Variants in SCART1 observed in about 807,000 individuals in gnomAD.
SCART1 encodes scavenger receptor family member expressed on T cells 1.
SCART1 carries 62 observed loss-of-function variants against 36.2 expected under a neutral mutation model. That is an observed-to-expected ratio of 1.71 (90% CI 1.40 to 2.12). SCART1 has a LOEUF of 2.12. Ranked by LOEUF, SCART1 falls within the 30% of genes most tolerant of loss-of-function variation. SCART1 has a pLI of 0.00. For missense variants in SCART1, 1,041 were observed against 540.5 expected (o/e 1.93, Z -9.18); for synonymous variants, 487 against 238.7 (o/e 2.04, Z -9.59).
chr10:133,467,319 C>T (rs541246593), exon 11 of SCART1: 20 of 702,678 alleles, frequency 2.8e-5, no homozygotes, highest in South Asian at 1.0e-4. Flanking sequence ...ATGAGGAGGA[C>T]GGAAGTGTGG....
intron 5 of SCART1, 51 bp from the exon 6 acceptor site, chr10:133,459,436 C>A (rs1850665713): frequency 3.2e-6 from 2 of 620,448 alleles, no homozygotes; most frequent in Admixed American, 5.3e-5. Flanking sequence ...GGGGGGTGGT[C>A]CTGGGTCCCT....
At chr10:133,468,054 A>G in exon 12 of SCART1, 1 of 600,354 alleles carries the variant, frequency 1.7e-6, no homozygotes, top group African/African-American at 1.8e-5. Flanking sequence ...TTTCGTGAGA[A>G]CACCTTGGAT....
At chr10:133,460,521 TTAAA>T (rs1850689137) in intron 6 of SCART1, among the ~76,000 whole-genome samples, 2 of 112,920 alleles carry the variant, frequency 1.8e-5, no homozygotes, top group African/African-American at 6.9e-5. Context: ...TTATATTTAT[TTAAA>T]TATTTATTTA....
chr10:133,459,481 C>A lies in SCART1; in HGVS notation c.1286-6C>A, dbSNP rs1473447567. 9.5e-6 allele frequency: 6 copies of A among 631,532 alleles called. No individual in the cohort carries two copies. The East Asian group carries it at 1.7e-4, about 17-fold the overall frequency. 39.1% of individuals were successfully genotyped at this position (631,532 alleles called of 1,614,324 possible). ...ATCTTGGGCCCCTGTGCGTCCCCAT[C>A]CCCAGGTCTGGCCCACGCCCTGCGA... On this transcript the variant is annotated splice_region_variant and splice_polypyrimidine_tract_variant and intron_variant, in intron 5 of 11. Transcript: ENST00000640237.
exon 3 of SCART1, chr10:133,457,307 G>A: frequency 1.4e-6 from 1 of 700,658 alleles, no homozygotes; most frequent in Non-Finnish European, 2.6e-6. Context: ...TCCGGCTGGT[G>A]AAGGGCCGCA....
At chr10:133,460,116 G>C in exon 6 of SCART1, 1 of 517,254 alleles carries the variant, frequency 1.9e-6, no homozygotes. Flanking sequence ...CCCGTCGGCG[G>C]GCTGGGGGCG....
intron 6 of SCART1, among the ~76,000 whole-genome samples, chr10:133,463,504 C>CTTTTT (rs34222160): frequency 8.0e-6 from 1 of 125,760 alleles, no homozygotes; most frequent in Non-Finnish European, 1.6e-5. Context: ...ACGTATTTGA[C>CTTTTT]TTTTTTTTTT....
At chr10:133,469,374 A>G (rs1850794065), downstream of SCART1, among the ~76,000 whole-genome samples, 1 of 152,184 alleles carries the variant, frequency 6.6e-6, no homozygotes, top group Non-Finnish European at 1.5e-5. Context: ...CTGGATAAAG[A>G]AAATGTGGCA....
At chr10:133,456,843 C>T (rs1178509100) in intron 2 of SCART1, among the ~76,000 whole-genome samples, 6 of 152,212 alleles carry the variant, frequency 3.9e-5, no homozygotes, top group South Asian at 2.1e-4. Flanking sequence ...CGAGCGGGGG[C>T]GGGGTCTGTG....
At position 133,464,665 on chromosome 10, in the gene SCART1, T is replaced by A. The variant is rs193124073; in HGVS notation, c.2029T>A (p.Phe677Ile). The change falls in exon 7 of 12, where the codon TTC becomes ATC. Residue 677 changes from phenylalanine to isoleucine, a missense_variant. Phe to Ile is a conservative substitution (Grantham distance 21). Transcript: ENST00000640237. Reference sequence around the variant, plus strand: ...CTGCTGTGCTGGGTGGCTGGACGTGTTCTACAATGGGACCTGGGGCGCCAT... The same window carrying A: ...CTGCTGTGCTGGGTGGCTGGACGTGATCTACAATGGGACCTGGGGCGCCAT... 79 of 690,794 alleles carry A rather than the reference T, an allele frequency of 1.1e-4. 1 individual carries two copies. In the African/African-American group the frequency reaches 1.2e-3, roughly 11 times the overall value. 42.8% of individuals were successfully genotyped at this position (690,794 alleles called of 1,614,324 possible).
chr10:133,457,041 T>G (rs1170872880), intron 2 of SCART1: 3 of 556,774 alleles, frequency 5.4e-6, no homozygotes, highest in Non-Finnish European at 9.4e-6. Context: ...TCCTACCATT[T>G]TGGGGCCCAG....
At chr10:133,456,399 C>T (rs779879897) in exon 2 of SCART1, 111 of 702,760 alleles carry the variant, frequency 1.6e-4, no homozygotes, top group Non-Finnish European at 2.7e-4. Flanking sequence ...GCCGTGGGCG[C>T]CCCCAAGTAT....
chr10:133,467,973 A>C (rs985937960), exon 12 of SCART1: 1 of 686,412 alleles, frequency 1.5e-6, no homozygotes, highest in Non-Finnish European at 2.7e-6. Context: ...TTGTAAAGCA[A>C]CCTGAGGATG....
chr10:133,457,100 G>C lies in SCART1; in HGVS notation c.386-179G>C, dbSNP rs916998031. On this transcript the variant is annotated intron_variant, in intron 2 of 11. Transcript: ENST00000640237. ...CTTGTTTCAGGAGACCAGCAGCAGAGCATGAAGCTGGGCACAGGGGTCTCT... is the reference window on the plus strand; with the variant it reads ...CTTGTTTCAGGAGACCAGCAGCAGACCATGAAGCTGGGCACAGGGGTCTCT... 3 of 591,962 alleles carry C rather than the reference G, an allele frequency of 5.1e-6. No individual in the cohort carries two copies. In the South Asian group the frequency reaches 6.5e-5, roughly 13 times the overall value. The allele number at this position is 591,962 out of a possible 1,614,324, so 36.7% of individuals were successfully genotyped here. A position where few individuals can be genotyped will look rare whatever the true frequency, so the allele number is the denominator to read the frequency against.
intron 2 of SCART1, 83 bp from the exon 3 acceptor site, chr10:133,457,196 G>T (rs1028093376): frequency 5.9e-6 from 4 of 677,300 alleles, no homozygotes; most frequent in Non-Finnish European, 1.1e-5. Context: ...GCCCATCACT[G>T]TCCTCCCTGA....
intron 2 of SCART1, 68 bp downstream of exon 2, chr10:133,456,622 T>G (rs979235191): frequency 3.3e-6 from 2 of 597,740 alleles, no homozygotes; most frequent in Non-Finnish European, 3.0e-6. Context: ...GGAGGAGGAC[T>G]GGGAGGACGC....
chr10:133,460,209 A>T, intron 6 of SCART1, 39 bp downstream of exon 6: 1 of 455,644 alleles, frequency 2.2e-6, no homozygotes. Flanking sequence ...ATGCTGTTTT[A>T]TTACGTACAG....
exon 11 of SCART1, chr10:133,467,342 C>A (rs1265169999): frequency 2.9e-6 from 2 of 701,298 alleles, no homozygotes; most frequent in African/African-American, 3.5e-5. Flanking sequence ...AAGGTGGACA[C>A]AGAAGCCGCA....
In SCART1 at chr10:133,459,932, G is replaced by A; in HGVS notation, c.1731G>A (p.Trp577Ter). 1 of 542,898 alleles carries A rather than the reference G, an allele frequency of 1.8e-6. No individual in the cohort carries two copies. Among genetic ancestry groups the A allele is most frequent in the Non-Finnish European group, 3.2e-6 (1 of 311,540 alleles). 33.6% of individuals were successfully genotyped at this position (542,898 alleles called of 1,614,324 possible). Residue 577 changes from tryptophan to a stop codon, truncating the protein, a stop_gained, in exon 6 of 12, where the codon TGG becomes TGA. Transcript: ENST00000640237. LOFTEE classifies it high-confidence loss of function. ...CCGGGGCGCTGCACGGGGGCGCGTGGGGCACCGTGTGTGACGATGCCTGGG... is the reference window on the plus strand; with the variant it reads ...CCGGGGCGCTGCACGGGGGCGCGTGAGGCACCGTGTGTGACGATGCCTGGG...
Sources: gnomAD v4.1 joint callset for allele counts (sites outside exome capture counted in the v4.1 genomes callset) on GRCh38, gnomAD v4.1.1 for gene constraint, MANE v1.5 for transcripts, NCBI Gene and HGNC (gene_info 2026-07-23, HGNC 2026-07-21) for gene names.